SCHIP1: variants seen among roughly 807,000 people sequenced by gnomAD.
SCHIP1 encodes schwannomin-interacting protein 1.
SCHIP1 carries 8 observed loss-of-function variants against 29.7 expected under a neutral mutation model. That is an observed-to-expected ratio of 0.27 (90% CI 0.16 to 0.49). The LOEUF is 0.49. SCHIP1 is among the 20% of genes least tolerant of loss of function. The probability of loss-of-function intolerance (pLI) is 0.99; values close to 1 mark genes in which losing one functional copy is unlikely to be tolerated. For synonymous variants in SCHIP1, 76 were observed against 94.9 expected (o/e 0.80, Z 1.16); for missense variants, 193 against 294.6 (o/e 0.66, Z 2.52).
the SCHIP1 span, among the ~76,000 whole-genome samples, chr3:159,797,148 T>C: frequency 5.3e-5 from 8 of 152,254 alleles, no homozygotes; most frequent in Admixed American, 4.6e-4. Context: ...TTCTAAAGCA[T>C]ACTATTTATA....
chr3:159,392,460 C>G, the SCHIP1 span, among the ~76,000 whole-genome samples: 1 of 144,862 alleles, frequency 6.9e-6, no homozygotes, highest in Non-Finnish European at 1.5e-5. Context: ...ATCCCTCCCC[C>G]CTCACCCCAC....
the SCHIP1 span, among the ~76,000 whole-genome samples, chr3:159,600,115 G>A: frequency 6.6e-6 from 1 of 152,086 alleles, no homozygotes; most frequent in Admixed American, 6.5e-5. Context: ...AGGTGACTAG[G>A]CACCTTTTTC....
At chr3:159,289,503 T>G in the SCHIP1 span, among the ~76,000 whole-genome samples, 1 of 152,130 alleles carries the variant, frequency 6.6e-6, no homozygotes, top group South Asian at 2.1e-4. Flanking sequence ...TCTGGCAGCC[T>G]CTCCCTCATG....
chr3:159,293,256 C>T, the SCHIP1 span, among the ~76,000 whole-genome samples: 1 of 152,132 alleles, frequency 6.6e-6, no homozygotes, highest in African/African-American at 2.4e-5. Flanking sequence ...TCACTATGTC[C>T]TCTAATAGTA....
At chr3:159,403,437 C>A in the SCHIP1 span, among the ~76,000 whole-genome samples, 17 of 152,166 alleles carry the variant, frequency 1.1e-4, no homozygotes, top group Non-Finnish European at 4.4e-5. Context: ...TCACACCAAT[C>A]CTTTGGCAGT....
the SCHIP1 span, among the ~76,000 whole-genome samples, chr3:159,402,101 C>T: frequency 0.027 from 4,101 of 152,106 alleles, 71 homozygotes; most frequent in East Asian, 0.11. Flanking sequence ...ACAAACAACC[C>T]CATCAAAAAG....
the SCHIP1 span, among the ~76,000 whole-genome samples, chr3:159,600,420 T>A: frequency 2.6e-5 from 4 of 152,220 alleles, no homozygotes; most frequent in Non-Finnish European, 5.9e-5. Flanking sequence ...TGGGTTGTTT[T>A]CAAAAGACCT....
the SCHIP1 span, among the ~76,000 whole-genome samples, chr3:159,397,896 G>T: frequency 2.0e-5 from 3 of 152,174 alleles, no homozygotes; most frequent in Non-Finnish European, 2.9e-5. Context: ...AAGCAAGCCT[G>T]GGCAATGGCA....
intron 2 of SCHIP1, among the ~76,000 whole-genome samples, chr3:159,871,400 G>A (rs1331818062): frequency 3.3e-5 from 5 of 151,984 alleles, no homozygotes; most frequent in African/African-American, 1.2e-4. Context: ...TAACGTTGTA[G>A]TATATATACT....
the SCHIP1 span, among the ~76,000 whole-genome samples, chr3:159,821,825 G>C: frequency 6.6e-6 from 1 of 152,088 alleles, no homozygotes; most frequent in African/African-American, 2.4e-5. Flanking sequence ...TCTTTCATTT[G>C]GGGCCGTTAT....
chr3:159,398,354 C>A, the SCHIP1 span, among the ~76,000 whole-genome samples: 37 of 152,152 alleles, frequency 2.4e-4, no homozygotes, highest in African/African-American at 8.4e-4. Context: ...TCCTCCCCCT[C>A]GCCAGCACTC....
At chr3:159,573,293 T>C in the SCHIP1 span, among the ~76,000 whole-genome samples, 1 of 152,208 alleles carries the variant, frequency 6.6e-6, no homozygotes, top group Non-Finnish European at 1.5e-5. Flanking sequence ...AAGGAGCTCT[T>C]GTAAGGCAGG....
At chr3:159,453,125 G>A in the SCHIP1 span, among the ~76,000 whole-genome samples, 1 of 152,190 alleles carries the variant, frequency 6.6e-6, no homozygotes, top group Admixed American at 6.5e-5. Context: ...ACTCCAGTTA[G>A]GGTTTCCCAA....
At chr3:159,681,774 T>G in the SCHIP1 span, among the ~76,000 whole-genome samples, 49 of 134,596 alleles carry the variant, frequency 3.6e-4, no homozygotes, top group South Asian at 9.3e-4. Context: ...ATTAACTTGG[T>G]TTAACTCAAC....
chr3:159,823,391 C>T, the SCHIP1 span, among the ~76,000 whole-genome samples: 2 of 152,162 alleles, frequency 1.3e-5, no homozygotes, highest in Admixed American at 6.5e-5. Context: ...CATCTCTTAA[C>T]CTGCTTTTTC....
the SCHIP1 span, among the ~76,000 whole-genome samples, chr3:159,391,482 C>T: frequency 2.0e-5 from 3 of 151,834 alleles, no homozygotes; most frequent in Admixed American, 6.6e-5. Flanking sequence ...GATATCTAGG[C>T]GCAGTGGGGC....
the SCHIP1 span, among the ~76,000 whole-genome samples, chr3:159,305,573 GT>G: frequency 6.6e-6 from 1 of 152,162 alleles, no homozygotes; most frequent in East Asian, 1.9e-4. Context: ...TCAATAATAA[GT>G]TCTCTTTCAT....
the SCHIP1 span, among the ~76,000 whole-genome samples, chr3:159,514,763 C>T: frequency 6.6e-6 from 1 of 152,204 alleles, no homozygotes; most frequent in Non-Finnish European, 1.5e-5. Flanking sequence ...TGTTGGGCCT[C>T]TCCCTGAACT....
At chr3:159,293,871 A>G in the SCHIP1 span, among the ~76,000 whole-genome samples, 2 of 152,172 alleles carry the variant, frequency 1.3e-5, no homozygotes, top group African/African-American at 4.8e-5. Flanking sequence ...TTTTTTCTTT[A>G]GAAGAAAATT....
Sources: allele counts gnomAD v4.1 joint callset (sites outside exome capture counted in the v4.1 genomes callset), GRCh38; gene constraint gnomAD v4.1.1; transcripts MANE v1.5; gene names NCBI Gene and HGNC (gene_info 2026-07-23, HGNC 2026-07-21).